Variants in THEMIS observed in about 807,000 individuals in gnomAD.
THEMIS encodes protein THEMIS.
In THEMIS, 37 loss-of-function variants were observed where a neutral mutation model predicts 52.6. The ratio of observed to expected loss-of-function variants is 0.70; its 90% CI spans 0.54 to 0.93. The LOEUF (loss-of-function observed/expected upper bound fraction) is 0.93, where lower values mean the gene tolerates loss of function less well. Among genes scored for constraint, THEMIS ranks in the 40% least tolerant of loss-of-function variants. The probability of loss-of-function intolerance (pLI) is 0.00; values close to 1 mark genes in which losing one functional copy is unlikely to be tolerated. For synonymous variants in THEMIS, 292 were observed against 272.7 expected, an observed-to-expected ratio of 1.07 and a Z score of -0.70; for missense variants, 808 against 763.1, an observed-to-expected ratio of 1.06 and a Z score of -0.69.
At chr6:127,890,981 C>T (rs1780787540) in intron 1 of THEMIS, among the ~76,000 whole-genome samples, 1 of 151,872 alleles carries the variant, frequency 6.6e-6, no homozygotes, top group African/African-American at 2.4e-5. Context: ...TAGGGCATTC[C>T]AACCACAAGC....
At chr6:127,715,346 G>C (rs1215074741) in intron 5 of THEMIS, among the ~76,000 whole-genome samples, 1 of 151,830 alleles carries the variant, frequency 6.6e-6, no homozygotes, top group South Asian at 2.1e-4. Context: ...AGGTTTTCTA[G>C]ACTTTGGAAT....
chr6:127,814,057 A>C, intron 3 of THEMIS, 126 bp from the exon 4 acceptor site: 1 of 800,582 alleles, frequency 1.2e-6, no homozygotes, highest in Admixed American at 3.6e-5. Flanking sequence ...ATCATATATC[A>C]TTTCTTATGT....
At chr6:127,849,058 G>C in intron 2 of THEMIS, among the ~76,000 whole-genome samples, 1 of 151,996 alleles carries the variant, frequency 6.6e-6, no homozygotes, top group African/African-American at 2.4e-5. Context: ...TATGGTTTTA[G>C]GTCTAACATT....
At chr6:127,789,376 G>C (rs1777084617) in intron 4 of THEMIS, among the ~76,000 whole-genome samples, 1 of 152,112 alleles carries the variant, frequency 6.6e-6, no homozygotes, top group African/African-American at 2.4e-5. Flanking sequence ...AATTAAGGCA[G>C]TAATTAATAG....
At position 127,786,651 on chromosome 6, in the gene THEMIS, G is replaced by T. The variant is rs376962878; in HGVS notation, c.1758+26232C>A. On this transcript the variant is annotated intron_variant, in intron 4 of 5. Transcript: ENST00000368248. ...GAACTAGAAAATTGAGAAAAAGGGA[G>T]ATTAAATAATTTGCCCAAGACCAAC... is the stretch of plus-strand genomic sequence containing the variant. Among the ~76,000 whole-genome samples, 5 of 152,084 alleles carry T rather than the reference G, an allele frequency of 3.3e-5. No homozygotes were observed. In the East Asian group the frequency reaches 7.7e-4, roughly 23 times the overall value.
At chr6:127,891,261 T>C (rs888129734) in intron 1 of THEMIS, among the ~76,000 whole-genome samples, 2 of 152,020 alleles carry the variant, frequency 1.3e-5, no homozygotes, top group African/African-American at 2.4e-5. Context: ...CCAGGCGCGG[T>C]GGCTCACACC....
chr6:127,776,621 C>G (rs1331262584), intron 4 of THEMIS, among the ~76,000 whole-genome samples: 1 of 152,172 alleles, frequency 6.6e-6, no homozygotes, highest in Non-Finnish European at 1.5e-5. Context: ...CTAGAACCAC[C>G]GAGTTAAGCT....
intron 4 of THEMIS, among the ~76,000 whole-genome samples, chr6:127,772,989 A>G (rs1261209366): frequency 6.6e-6 from 1 of 152,170 alleles, no homozygotes; most frequent in East Asian, 1.9e-4. Flanking sequence ...ATAGCACTGG[A>G]TAAGTTCCAA....
At chr6:127,799,181 C>T (rs1028442743) in intron 4 of THEMIS, among the ~76,000 whole-genome samples, 2 of 152,094 alleles carry the variant, frequency 1.3e-5, no homozygotes, top group African/African-American at 4.8e-5. Context: ...AGCCACAACA[C>T]GTTCTCAGCA....
chr6:127,728,253 C>A (rs1196796513), intron 4 of THEMIS, among the ~76,000 whole-genome samples: 1 of 152,174 alleles, frequency 6.6e-6, no homozygotes, highest in Admixed American at 6.5e-5. Context: ...TCACTTGCTG[C>A]TTCTAACACT....
chr6:127,883,515 T>C (rs1026960035), intron 1 of THEMIS, among the ~76,000 whole-genome samples: 23 of 151,982 alleles, frequency 1.5e-4, no homozygotes, highest in Non-Finnish European at 2.1e-4. Context: ...TGTTGCATTA[T>C]ATAGATTCAC....
chr6:127,850,983 A>C (rs1779402396), intron 2 of THEMIS, among the ~76,000 whole-genome samples: 2 of 151,766 alleles, frequency 1.3e-5, no homozygotes, highest in African/African-American at 4.8e-5. Flanking sequence ...AAATATATAC[A>C]AAGAACTAAA....
chr6:127,701,038 G>A, the THEMIS span, among the ~76,000 whole-genome samples: 7 of 151,952 alleles, frequency 4.6e-5, no homozygotes, highest in African/African-American at 7.2e-5. Flanking sequence ...AGTGAAGTGC[G>A]TAATTCTATA....
At chr6:127,865,775 T>C (rs1779953925) in intron 1 of THEMIS, among the ~76,000 whole-genome samples, 1 of 152,156 alleles carries the variant, frequency 6.6e-6, no homozygotes, top group Non-Finnish European at 1.5e-5. Flanking sequence ...GTAATTCATT[T>C]TGGCATTTCT....
In THEMIS at chr6:127,866,582, G is replaced by T. The variant is rs1165631040; in HGVS notation, c.92-11394C>A. The stretch of plus-strand genomic sequence containing the variant: ...TAAAAAATTAAATTGCCCTTTGGTG[G>T]ATGAGCTCACTCTCCCCATATTTCC... On this transcript the variant is annotated intron_variant, in intron 1 of 5. Coordinates refer to ENST00000368248, the MANE Select transcript of THEMIS (RefSeq NM_001010923.3). Among the ~76,000 whole-genome samples the T allele has an allele frequency of 2.0e-5, 3 of 151,870 alleles. No homozygotes were observed. The East Asian group carries it at 5.8e-4, about 29-fold the overall frequency.
At position 127,813,142 on chromosome 6, in the gene THEMIS, T is replaced by C. The variant is rs949877292; in HGVS notation, c.1499A>G (p.Glu500Gly). 1.9e-6 allele frequency: 3 copies of C among 1,614,082 alleles called. No individual in the cohort carries two copies. In the Admixed American group the frequency reaches 5.0e-5, roughly 27 times the overall value. ...LLISDFANPTECWEIPVGRLN... is the reference protein window; with the variant it reads ...LLISDFANPTGCWEIPVGRLN... ...GCGGCCCACAGGAATTTCCCAGCAC[T>C]CCGTGGGGTTGGCAAAGTCACTTAT... is the stretch of plus-strand genomic sequence containing the variant. Residue 500 changes from glutamate to glycine, a missense_variant, in exon 4 of 6, where the codon GAG becomes GGG. By Grantham distance (98) the Glu-to-Gly change is moderately conservative (BLOSUM62 -2). Coordinates refer to ENST00000368248, the MANE Select transcript of THEMIS (RefSeq NM_001010923.3).
upstream of THEMIS, among the ~76,000 whole-genome samples, chr6:127,905,615 A>G: frequency 6.6e-6 from 1 of 152,062 alleles, no homozygotes; most frequent in East Asian, 1.9e-4. Context: ...ACAATAATTA[A>G]TGGCTTGTGG....
chr6:127,747,184 A>G (rs1441217898), intron 4 of THEMIS, among the ~76,000 whole-genome samples: 1 of 135,842 alleles, frequency 7.4e-6, no homozygotes, highest in Non-Finnish European at 1.5e-5. Flanking sequence ...ATAGATATCT[A>G]TAATTACAGA....
chr6:127,700,777 T>C, the THEMIS span, among the ~76,000 whole-genome samples: 2 of 152,086 alleles, frequency 1.3e-5, no homozygotes, highest in South Asian at 4.1e-4. Context: ...GTCTGCATTC[T>C]TTTTTGGCCA....
Sources: allele counts gnomAD v4.1 joint callset (sites outside exome capture counted in the v4.1 genomes callset), GRCh38; gene constraint gnomAD v4.1.1; transcripts MANE v1.5; gene names NCBI Gene and HGNC (gene_info 2026-07-23, HGNC 2026-07-21).